Variants in MDGA2 observed in about 807,000 individuals in gnomAD.
MDGA2 encodes the protein MAM domain containing glycosylphosphatidylinositol anchor 2.
In MDGA2, 40 loss-of-function variants were observed where a neutral mutation model predicts 117.8. The ratio of observed to expected loss-of-function variants is 0.34; its 90% CI spans 0.26 to 0.44. The LOEUF (loss-of-function observed/expected upper bound fraction) is 0.44. Among genes scored for constraint, MDGA2 ranks in the 20% least tolerant of loss-of-function variants. The pLI is 1.00. For missense variants in MDGA2, 1,123 were observed against 1,250.6 expected (o/e 0.90, Z 1.54); for synonymous variants, 452 against 439.0 (o/e 1.03, Z -0.37).
At chr14:47,567,944 C>T (rs763615310) in intron 1 of MDGA2, among the ~76,000 whole-genome samples, 5 of 151,954 alleles carry the variant, frequency 3.3e-5, no homozygotes, top group Non-Finnish European at 7.4e-5. Context: ...TGTTTTTGGA[C>T]GTTCTGGGCT....
chr14:47,390,046 C>G (rs551119130), intron 1 of MDGA2, among the ~76,000 whole-genome samples: 158 of 152,210 alleles, frequency 1.0e-3, no homozygotes, highest in Non-Finnish European at 1.8e-3. Flanking sequence ...TTCCCTTAGA[C>G]TCTTAGTTGT....
intron 1 of MDGA2, among the ~76,000 whole-genome samples, chr14:47,406,717 C>T (rs1008313472): frequency 5.3e-5 from 8 of 151,982 alleles, no homozygotes; most frequent in Non-Finnish European, 8.8e-5. Flanking sequence ...GCCTTTCATC[C>T]TATGTTGAAC....
At chr14:47,426,611 T>C (rs1039426524) in intron 1 of MDGA2, among the ~76,000 whole-genome samples, 19 of 150,760 alleles carry the variant, frequency 1.3e-4, no homozygotes, top group African/African-American at 4.6e-4. Flanking sequence ...GATTAATATT[T>C]TGTAAAAAAC....
At chr14:47,060,491 G>A (rs1424566384) in intron 7 of MDGA2, among the ~76,000 whole-genome samples, 2 of 151,946 alleles carry the variant, frequency 1.3e-5, no homozygotes, top group African/African-American at 4.8e-5. Flanking sequence ...TAACAAGCTG[G>A]CAAAACAAAT....
At chr14:47,455,382 T>C (rs1173970345) in intron 1 of MDGA2, among the ~76,000 whole-genome samples, 1 of 151,990 alleles carries the variant, frequency 6.6e-6, no homozygotes, top group Non-Finnish European at 1.5e-5. Flanking sequence ...GGCACACGAC[T>C]GTAATCCCAG....
At chr14:47,401,174 T>TC (rs1892140487) in intron 1 of MDGA2, among the ~76,000 whole-genome samples, 1 of 152,018 alleles carries the variant, frequency 6.6e-6, no homozygotes, top group Non-Finnish European at 1.5e-5. Flanking sequence ...AAAACAATAA[T>TC]CACACAATTG....
chr14:47,175,501 A>G (rs1884398901), intron 3 of MDGA2, among the ~76,000 whole-genome samples: 1 of 150,718 alleles, frequency 6.6e-6, no homozygotes, highest in Admixed American at 6.6e-5. Flanking sequence ...CAATATACGC[A>G]AATCAATAAA....
At chr14:47,417,173 T>C (rs7141158) in intron 1 of MDGA2, among the ~76,000 whole-genome samples, 37,036 of 152,144 alleles carry the variant, frequency 0.24, 4,800 homozygotes, top group Middle Eastern at 0.41. Context: ...ATTTTAAACT[T>C]GTTTCCCTTT....
intron 1 of MDGA2, among the ~76,000 whole-genome samples, chr14:47,361,356 C>A (rs1891121268): frequency 6.6e-6 from 1 of 151,896 alleles, no homozygotes; most frequent in Non-Finnish European, 1.5e-5. Context: ...AAGAAAGCAA[C>A]CCTGCCAGCA....
chr14:47,657,623 T>C (rs964029271), intron 1 of MDGA2, among the ~76,000 whole-genome samples: 1 of 152,154 alleles, frequency 6.6e-6, no homozygotes, highest in African/African-American at 2.4e-5. Flanking sequence ...AGTTACCTTG[T>C]GCCTACAGTG....
rs188928559 is a variant in MDGA2, at chr14:46,858,772, A to C, written c.2753-3618T>G. On this transcript the variant is annotated intron_variant, in intron 14 of 16. Coordinates refer to ENST00000399232, the MANE Select transcript of MDGA2 (RefSeq NM_001113498.3). ...CTCTATCTGCTAAGTCCAAAGTCTA[A>C]CTTTCTTAAGTTTGGTTTCTACGAA... 1.2e-4 allele frequency among the ~76,000 whole-genome samples: 19 copies of C among 152,012 alleles called. 1 individual carries two copies. Among genetic ancestry groups the C allele is most frequent in the Admixed American group, 1.2e-3 (18 of 15,266 alleles).
intron 1 of MDGA2, among the ~76,000 whole-genome samples, chr14:47,390,754 A>T (rs78509743): frequency 1.3e-5 from 2 of 152,250 alleles, no homozygotes; most frequent in African/African-American, 4.8e-5. Flanking sequence ...CTTTTGTGGG[A>T]GAGGCTTTCC....
At chr14:47,426,729 G>A (rs1349847505) in intron 1 of MDGA2, among the ~76,000 whole-genome samples, 4 of 147,222 alleles carry the variant, frequency 2.7e-5, no homozygotes, top group African/African-American at 5.0e-5. Flanking sequence ...TGTATCTCAC[G>A]CAGTGAACAA....
At chr14:47,485,189 A>ACC (rs1894034428) in intron 1 of MDGA2, among the ~76,000 whole-genome samples, 2 of 152,172 alleles carry the variant, frequency 1.3e-5, no homozygotes, top group South Asian at 4.1e-4. Flanking sequence ...TGATATGAAC[A>ACC]ATAAGGTCCA....
At chr14:47,643,858 AG>A in intron 1 of MDGA2, among the ~76,000 whole-genome samples, 1 of 152,214 alleles carries the variant, frequency 6.6e-6, no homozygotes. Context: ...AATTTTTGTG[AG>A]GGTTACTGAT....
intron 1 of MDGA2, among the ~76,000 whole-genome samples, chr14:47,627,527 A>G (rs1897169689): frequency 6.6e-6 from 1 of 152,108 alleles, no homozygotes; most frequent in Non-Finnish European, 1.5e-5. Flanking sequence ...GTTTCTAGCT[A>G]ATCTAGTGGG....
chr14:47,388,931 G>C (rs954547685), intron 1 of MDGA2, among the ~76,000 whole-genome samples: 1 of 152,170 alleles, frequency 6.6e-6, no homozygotes, highest in Admixed American at 6.6e-5. Context: ...TGGATACACT[G>C]ACTGTCATTC....
At chr14:47,172,046 A>G (rs1884168926) in intron 3 of MDGA2, among the ~76,000 whole-genome samples, 1 of 152,122 alleles carries the variant, frequency 6.6e-6, no homozygotes, top group African/African-American at 2.4e-5. Flanking sequence ...GCTGATTGCT[A>G]GCACAGTGGT....
At chr14:47,025,848 A>G (rs1162388882) in intron 8 of MDGA2, among the ~76,000 whole-genome samples, 2 of 152,160 alleles carry the variant, frequency 1.3e-5, no homozygotes, top group Non-Finnish European at 2.9e-5. Flanking sequence ...GATTCAATTA[A>G]AACATGTTTT....
Sources: allele counts gnomAD v4.1 joint callset (sites outside exome capture counted in the v4.1 genomes callset), GRCh38; gene constraint gnomAD v4.1.1; transcripts MANE v1.5; gene names NCBI Gene and HGNC (gene_info 2026-07-23, HGNC 2026-07-21).